Variants in PPP1R3A observed in about 807,000 individuals in gnomAD.
PPP1R3A encodes the protein RG1.
PPP1R3A carries 29 observed loss-of-function variants against 41.7 expected under a neutral mutation model. That is an observed-to-expected ratio of 0.70 (90% CI 0.52 to 0.95). The LOEUF (loss-of-function observed/expected upper bound fraction) is 0.95, where lower values mean the gene tolerates loss of function less well. Among genes scored for constraint, PPP1R3A ranks in the 40% least tolerant of loss-of-function variants. The probability of loss-of-function intolerance (pLI) is 0.00; values close to 1 mark genes in which losing one functional copy is unlikely to be tolerated. For missense variants in PPP1R3A, 1,352 were observed against 1,292.4 expected (o/e 1.05, Z -0.71); for synonymous variants, 485 against 453.4 (o/e 1.07, Z -0.89).
intron 1 of PPP1R3A, among the ~76,000 whole-genome samples, chr7:113,914,032 T>G (rs1421686898): frequency 6.6e-6 from 1 of 152,058 alleles, no homozygotes; most frequent in Admixed American, 6.6e-5. Context: ...TTGAATAAGT[T>G]TTGGAGCCTG....
Position 113,878,655 on chromosome 7 carries a change from G to A in PPP1R3A, c.2437C>T (p.Arg813Cys), listed in dbSNP as rs139926471. Reference protein sequence around the residue: ...KESRLGICNVRVDEMEKEETM... With the variant: ...KESRLGICNVCVDEMEKEETM... ...TCTTCCTTCTCCATTTCATCTACAC[G>A]TACATTACAAATACCTAAACGTGAT... The change falls in exon 4 of 4, where the codon CGT (arginine) becomes TGT (cysteine). Residue 813 changes from arginine to cysteine, a missense_variant. Transcript: ENST00000284601. The A allele has an allele frequency of 8.7e-6, 14 of 1,612,958 alleles. No homozygotes were observed. Among genetic ancestry groups the A allele is most frequent in the Admixed American group, 5.0e-5 (3 of 59,806 alleles).
intron 3 of PPP1R3A, among the ~76,000 whole-genome samples, chr7:113,881,214 G>C: frequency 6.6e-6 from 1 of 152,034 alleles, no homozygotes; most frequent in East Asian, 1.9e-4. Flanking sequence ...CTATAGAAAA[G>C]GTGGAATATG....
At chr7:113,881,402 T>C (rs1476497807) in intron 3 of PPP1R3A, among the ~76,000 whole-genome samples, 2 of 151,998 alleles carry the variant, frequency 1.3e-5, no homozygotes, top group African/African-American at 4.8e-5. Context: ...TCTTCCTTTG[T>C]GATAAAAGTG....
chr7:113,914,729 T>C (rs534555173), intron 1 of PPP1R3A, among the ~76,000 whole-genome samples: 3 of 152,104 alleles, frequency 2.0e-5, no homozygotes, highest in Non-Finnish European at 4.4e-5. Flanking sequence ...TTATATGTAT[T>C]ACTTCACCGA....
intron 3 of PPP1R3A, among the ~76,000 whole-genome samples, chr7:113,881,021 T>C (rs1796684423): frequency 6.6e-6 from 1 of 152,090 alleles, no homozygotes; most frequent in Non-Finnish European, 1.5e-5. Context: ...CTGCTCATCG[T>C]AATGAGATGT....
rs933871921 is a variant in PPP1R3A at position 113,879,150 on chromosome 7, T to C, written c.1942A>G (p.Asn648Asp). 2.5e-6 allele frequency: 4 copies of C among 1,613,718 alleles called. No homozygotes were observed. The East Asian group carries it at 8.9e-5, about 36-fold the overall frequency. Residue 648 changes from asparagine to aspartate, a missense_variant, in exon 4 of 4, where the codon AAT (asparagine) becomes GAT (aspartate). Coordinates refer to ENST00000284601, the MANE Select transcript of PPP1R3A (RefSeq NM_002711.4). ...CAACTTTGTTTATGCTGTGGGCTAT[T>C]ATCCTGATCTTCAGAATTAATCCCA... ...SGGINSEDQDNSPQHKQSWNV... is the reference protein window; with the variant it reads ...SGGINSEDQDDSPQHKQSWNV...
chr7:113,878,830 C>A lies in PPP1R3A; in HGVS notation c.2262G>T (p.Lys754Asn), dbSNP rs757764546. The change falls in exon 4 of 4, where the codon AAG (lysine) becomes AAT (asparagine). Residue 754 changes from lysine to asparagine, a missense_variant. Lys to Asn is a moderately conservative substitution (Grantham distance 94). Coordinates refer to ENST00000284601, the MANE Select transcript of PPP1R3A (RefSeq NM_002711.4). ...CACTTCGTGCTGTCTCTTGAGGTAG[C>A]TTAGCAATTATTGCTTTTTCTCTAG... ...MSAREKAIIA[K>N]LPQETARSDR... The A allele has an allele frequency of 2.5e-6, 4 of 1,613,328 alleles. No homozygotes were observed. In the Admixed American group the frequency reaches 5.0e-5, roughly 20 times the overall value.
At chr7:113,886,134 TAATA>T (rs1042626831) in intron 1 of PPP1R3A, among the ~76,000 whole-genome samples, 6 of 151,954 alleles carry the variant, frequency 3.9e-5, no homozygotes, top group African/African-American at 1.4e-4. Flanking sequence ...GATAATTTAA[TAATA>T]AATAGTTACA....
At chr7:113,909,555 G>C (rs187006542) in intron 1 of PPP1R3A, among the ~76,000 whole-genome samples, 3 of 152,094 alleles carry the variant, frequency 2.0e-5, no homozygotes, top group Non-Finnish European at 4.4e-5. Flanking sequence ...TATGGTCCTG[G>C]TAATAGTGAT....
chr7:113,890,478 C>T (rs1474767310), intron 1 of PPP1R3A, among the ~76,000 whole-genome samples: 1 of 152,146 alleles, frequency 6.6e-6, no homozygotes, highest in African/African-American at 2.4e-5. Flanking sequence ...TGTCTAACTA[C>T]ATATATTAAA....
chr7:113,899,233 T>C (rs1797025343), intron 1 of PPP1R3A, among the ~76,000 whole-genome samples: 1 of 151,744 alleles, frequency 6.6e-6, no homozygotes, highest in Non-Finnish European at 1.5e-5. Flanking sequence ...CACTTACTTA[T>C]TGCAGTAGTG....
intron 1 of PPP1R3A, among the ~76,000 whole-genome samples, chr7:113,899,350 G>A (rs1210711261): frequency 6.6e-6 from 1 of 151,786 alleles, no homozygotes; most frequent in African/African-American, 2.4e-5. Context: ...GCCACGCTGT[G>A]TGATGTACCT....
intron 1 of PPP1R3A, among the ~76,000 whole-genome samples, chr7:113,891,111 A>C (rs1240792254): frequency 6.6e-6 from 1 of 150,584 alleles, no homozygotes; most frequent in East Asian, 1.9e-4. Context: ...AAAAAAAAAA[A>C]AAACCCTGCA....
chr7:113,881,895 A>AAGT (rs1796700279), intron 3 of PPP1R3A, 144 bp downstream of exon 3: 2 of 901,438 alleles, frequency 2.2e-6, no homozygotes, highest in African/African-American at 3.3e-5. Context: ...TTGTTGATCA[A>AAGT]GCTAGAGACG....
At chr7:113,888,589 T>C (rs188546052) in intron 1 of PPP1R3A, among the ~76,000 whole-genome samples, 2 of 152,160 alleles carry the variant, frequency 1.3e-5, no homozygotes, top group Admixed American at 1.3e-4. Flanking sequence ...GTCAGCAAGG[T>C]CTTGAATTAG....
At chr7:113,913,017 C>T (rs188661758) in intron 1 of PPP1R3A, among the ~76,000 whole-genome samples, 110 of 152,172 alleles carry the variant, frequency 7.2e-4, no homozygotes, top group Non-Finnish European at 1.3e-3. Context: ...TCCAAGGAAA[C>T]TTGAAGCCAG....
Position 113,901,640 on chromosome 7 carries a change from T to C in PPP1R3A, c.782+16575A>G, listed in dbSNP as rs575028743. Among the ~76,000 whole-genome samples the C allele has an allele frequency of 2.6e-5, 4 of 151,910 alleles. No homozygotes were observed. The South Asian group carries it at 8.3e-4, about 32-fold the overall frequency. On this transcript the variant is annotated intron_variant, in intron 1 of 3. Transcript: ENST00000284601. ...TATTCTTAACCCTCCTTGCCAACGA[T>C]CTTCATGACAGAACTCTTTCTAACT... is the stretch of plus-strand genomic sequence containing the variant.
intron 1 of PPP1R3A, among the ~76,000 whole-genome samples, chr7:113,903,132 A>G (rs1421129025): frequency 6.6e-6 from 1 of 151,766 alleles, no homozygotes; most frequent in East Asian, 1.9e-4. Context: ...CTATATATCC[A>G]TCTAAGAGGA....
Position 113,877,813 on chromosome 7 carries a change from G to C in PPP1R3A, c.3279C>G (p.Asp1093Glu). 6 of 1,608,104 alleles carry C rather than the reference G, an allele frequency of 3.7e-6. No individual in the cohort carries two copies. Among genetic ancestry groups the C allele is most frequent in the Non-Finnish European group, 5.1e-6 (6 of 1,175,366 alleles). Reference protein sequence around the residue: ...LIFLITVYHYDLMIGLTFYVL... With the variant: ...LIFLITVYHYELMIGLTFYVL... ...CGTAGAATGTCAAGCCAATCATTAA[G>C]TCATAATGGTAGACAGTTATAAGAA... The change falls in exon 4 of 4, where the codon GAC becomes GAG. Residue 1093 changes from aspartate (D) to glutamate (E), a missense_variant. Physicochemically the swap from Asp to Glu is conservative, Grantham distance 45. Transcript: ENST00000284601.
Sources: gnomAD v4.1 joint callset for allele counts (sites outside exome capture counted in the v4.1 genomes callset) on GRCh38, gnomAD v4.1.1 for gene constraint, MANE v1.5 for transcripts, NCBI Gene and HGNC (gene_info 2026-07-23, HGNC 2026-07-21) for gene names.